The following SPIRE1 variants were observed in gnomAD, a reference collection of about 807,000 sequenced individuals.
The protein encoded by SPIRE1 is spire type actin nucleation factor 1.
Under a neutral mutation model 94.1 loss-of-function variants are expected in SPIRE1, and 40 were observed. The ratio of observed to expected loss-of-function variants is 0.43; its 90% CI spans 0.33 to 0.55. SPIRE1 has a LOEUF of 0.55. SPIRE1 is among the 20% of genes least tolerant of loss of function. The probability of loss-of-function intolerance (pLI) is 0.06; values close to 1 mark genes in which losing one functional copy is unlikely to be tolerated. For missense variants in SPIRE1, 838 were observed against 975.2 expected, an observed-to-expected ratio of 0.86 and a Z score of 1.87; for synonymous variants, 376 against 371.7, an observed-to-expected ratio of 1.01 and a Z score of -0.13.
intron 8 of SPIRE1, among the ~76,000 whole-genome samples, chr18:12,490,188 A>G (rs2033183083): frequency 6.6e-6 from 1 of 152,178 alleles, no homozygotes; most frequent in Admixed American, 6.5e-5. Flanking sequence ...TGAAATACCA[A>G]TTGTCAAGGT....
rs181878815 is a variant in SPIRE1, at chr18:12,572,274, C to A, written c.373-25370G>T. ...CTTTATCAAATAAAATTAATACAGG[C>A]CACTGATGTGTTTTGTGGACCAAGA... On this transcript the variant is annotated intron_variant, in intron 2 of 16. Transcript: ENST00000409402. 1.4e-3 allele frequency among the ~76,000 whole-genome samples: 220 copies of A among 152,224 alleles called. 2 individuals carry two copies. The highest frequency in any genetic ancestry group is 5.0e-3 in the African/African-American group (207 of 41,534).
chr18:12,625,527 A>G (rs2037596583), intron 2 of SPIRE1, among the ~76,000 whole-genome samples: 1 of 152,250 alleles, frequency 6.6e-6, no homozygotes. Flanking sequence ...CTAAAAGAGT[A>G]GATTCAATAA....
intron 1 of SPIRE1, among the ~76,000 whole-genome samples, chr18:12,644,227 AG>A (rs1273559273): frequency 7.8e-6 from 1 of 128,236 alleles, no homozygotes; most frequent in Non-Finnish European, 1.9e-5. Flanking sequence ...GGTCAGGGTT[AG>A]GGGGCAACTA....
chr18:12,457,153 T>C (rs1406420185), intron 12 of SPIRE1, among the ~76,000 whole-genome samples: 2 of 152,286 alleles, frequency 1.3e-5, no homozygotes, highest in Middle Eastern at 3.4e-3. Flanking sequence ...AATTTAAAAA[T>C]AGTAGATTTT....
At chr18:12,551,858 C>T (rs1017052633) in intron 2 of SPIRE1, among the ~76,000 whole-genome samples, 1 of 152,120 alleles carries the variant, frequency 6.6e-6, no homozygotes, top group East Asian at 1.9e-4. Context: ...GTTTTAACTT[C>T]AGACCACCGA....
intron 2 of SPIRE1, among the ~76,000 whole-genome samples, chr18:12,589,237 T>A (rs1048353087): frequency 6.6e-6 from 1 of 152,150 alleles, no homozygotes; most frequent in Non-Finnish European, 1.5e-5. Flanking sequence ...AGAGACTAAG[T>A]AAGTAACAGA....
At chr18:12,506,023 T>C (rs558415859) in intron 6 of SPIRE1, among the ~76,000 whole-genome samples, 3 of 152,352 alleles carry the variant, frequency 2.0e-5, no homozygotes, top group Non-Finnish European at 4.4e-5. Context: ...TTCTTTAAGC[T>C]TAATGTACTT....
At chr18:12,530,499 C>T (rs1033814951) in intron 4 of SPIRE1, among the ~76,000 whole-genome samples, 2 of 152,092 alleles carry the variant, frequency 1.3e-5, no homozygotes, top group Non-Finnish European at 2.9e-5. Flanking sequence ...GCCTCCCAAG[C>T]AGCTAGGATT....
At chr18:12,604,908 A>G (rs889512205) in intron 2 of SPIRE1, among the ~76,000 whole-genome samples, 5 of 152,198 alleles carry the variant, frequency 3.3e-5, no homozygotes, top group Non-Finnish European at 7.3e-5. Flanking sequence ...ATAAAATATG[A>G]TCCAGCCTTC....
At chr18:12,564,935 T>G (rs866176882) in intron 2 of SPIRE1, among the ~76,000 whole-genome samples, 2 of 151,796 alleles carry the variant, frequency 1.3e-5, no homozygotes, top group African/African-American at 4.8e-5. Context: ...ACAACTATTA[T>G]GCAAAAGGTA....
At chr18:12,616,497 C>G (rs1481554084) in intron 2 of SPIRE1, among the ~76,000 whole-genome samples, 2 of 152,090 alleles carry the variant, frequency 1.3e-5, no homozygotes, top group African/African-American at 4.8e-5. Context: ...GGTAGAAGGT[C>G]CCAGAGCAGC....
chr18:12,634,083 C>T (rs943498733), intron 2 of SPIRE1, among the ~76,000 whole-genome samples: 5 of 151,824 alleles, frequency 3.3e-5, no homozygotes, highest in African/African-American at 4.8e-5. Flanking sequence ...CCTGTCTCTA[C>T]TAAAAATACA....
intron 2 of SPIRE1, among the ~76,000 whole-genome samples, chr18:12,593,222 T>C (rs2036581931): frequency 6.6e-6 from 1 of 152,252 alleles, no homozygotes; most frequent in Non-Finnish European, 1.5e-5. Context: ...TAACTGTCTC[T>C]ACTTAAAAAT....
intron 11 of SPIRE1, 85 bp from the exon 12 acceptor site, chr18:12,463,578 CAAAG>C: frequency 4.5e-6 from 5 of 1,100,726 alleles, no homozygotes; most frequent in South Asian, 3.2e-5. Context: ...CACTGTAATT[CAAAG>C]ATGAATTATT....
At chr18:12,592,254 G>C (rs1312681625) in intron 2 of SPIRE1, among the ~76,000 whole-genome samples, 1 of 152,082 alleles carries the variant, frequency 6.6e-6, no homozygotes, top group African/African-American at 2.4e-5. Context: ...AGATAATAAA[G>C]AAATTGTCAG....
intron 4 of SPIRE1, among the ~76,000 whole-genome samples, chr18:12,519,039 A>G (rs2034281615): frequency 6.6e-6 from 1 of 152,208 alleles, no homozygotes. Flanking sequence ...TTTGTGTCAA[A>G]CTTTATGGTG....
At position 12,447,673 on chromosome 18, in the gene SPIRE1, A is replaced by G. The variant is rs2031007658; in HGVS notation, c.*1965T>C. 6.6e-6 allele frequency: 1 copy of G among 152,194 alleles called. No individual in the cohort carries two copies. The highest frequency in any genetic ancestry group is 1.5e-5 in the Non-Finnish European group (1 of 68,028). The allele number at this position is 152,194 out of a possible 1,614,324, so 9.4% of individuals were successfully genotyped here. On this transcript the variant is annotated 3_prime_UTR_variant, in exon 17 of 17. Transcript: ENST00000409402. ...TCGTAATGCCCAAATCATCCAATAC[A>G]CTATCATAAAGTGAAGTGAAAGACA...
upstream of SPIRE1, among the ~76,000 whole-genome samples, chr18:12,660,963 A>G (rs753446734): frequency 3.9e-5 from 6 of 152,244 alleles, no homozygotes; most frequent in Admixed American, 6.5e-5. Context: ...TCTTTTTTGT[A>G]TAAAGACTAT....
At chr18:12,555,852 T>C (rs1010802617) in intron 2 of SPIRE1, among the ~76,000 whole-genome samples, 1 of 152,128 alleles carries the variant, frequency 6.6e-6, no homozygotes, top group African/African-American at 2.4e-5. Context: ...ATAAAGGCCA[T>C]TGAAACTGAA....
Sources: gnomAD v4.1 joint callset for allele counts (sites outside exome capture counted in the v4.1 genomes callset) on GRCh38, gnomAD v4.1.1 for gene constraint, MANE v1.5 for transcripts, NCBI Gene and HGNC (gene_info 2026-07-23, HGNC 2026-07-21) for gene names.